Variants in CDC42SE2 observed in about 807,000 individuals in gnomAD.
The protein encoded by CDC42SE2 is CDC42 small effector protein 2.
A neutral mutation model predicts 11.5 loss-of-function variants in CDC42SE2; 3 were observed. The observed-to-expected ratio is 0.26, with a 90% CI of 0.12 to 0.67. The LOEUF is 0.67. Ranked by LOEUF, CDC42SE2 falls within the 30% of genes least tolerant of loss-of-function variation. CDC42SE2 has a pLI of 0.80. For synonymous variants in CDC42SE2, 33 were observed against 34.8 expected (o/e 0.95, Z 0.18); for missense variants, 82 against 106.8 (o/e 0.77, Z 1.02).
intron 2 of CDC42SE2, among the ~76,000 whole-genome samples, chr5:131,346,531 T>A (rs566065997): frequency 8.5e-4 from 129 of 152,262 alleles, no homozygotes; most frequent in Non-Finnish European, 1.6e-3. Flanking sequence ...CAAAGAGACT[T>A]AGATTCCCAC....
chr5:131,241,443 T>C (rs1408980125), upstream of CDC42SE2, among the ~76,000 whole-genome samples: 2 of 152,184 alleles, frequency 1.3e-5, no homozygotes, highest in African/African-American at 4.8e-5. Flanking sequence ...TTCTTTTTTC[T>C]ATTAATTATC....
At chr5:131,259,635 C>T (rs1010754641), upstream of CDC42SE2, among the ~76,000 whole-genome samples, 3 of 152,214 alleles carry the variant, frequency 2.0e-5, no homozygotes, top group Non-Finnish European at 4.4e-5. Flanking sequence ...GCAGTTAGTA[C>T]ATACATCTAG....
At chr5:131,236,921 T>C in the CDC42SE2 span, among the ~76,000 whole-genome samples, 1 of 152,210 alleles carries the variant, frequency 6.6e-6, no homozygotes, top group Non-Finnish European at 1.5e-5. Context: ...ACCCTAATTA[T>C]CTTTATAAAA....
chr5:131,225,316 A>G, the CDC42SE2 span, among the ~76,000 whole-genome samples: 11 of 152,188 alleles, frequency 7.2e-5, 1 homozygote, highest in Admixed American at 5.2e-4. Flanking sequence ...AGGCCTAAAT[A>G]TTAAGGTGAT....
chr5:131,289,268 C>G (rs1046567118), intron 1 of CDC42SE2, among the ~76,000 whole-genome samples: 1 of 152,172 alleles, frequency 6.6e-6, no homozygotes, highest in African/African-American at 2.4e-5. Context: ...TATGTTTTCT[C>G]ATCAGAAGTG....
At chr5:131,390,530 CTGAGTGTGGTGA>C (rs777629029) in intron 4 of CDC42SE2, among the ~76,000 whole-genome samples, 4 of 151,996 alleles carry the variant, frequency 2.6e-5, no homozygotes, top group Non-Finnish European at 5.9e-5. Flanking sequence ...GAAAAATTAG[CTGAGTGTGGTGA>C]TGTGTGCCTG....
the CDC42SE2 span, among the ~76,000 whole-genome samples, chr5:131,231,774 A>G: frequency 6.6e-6 from 1 of 151,884 alleles, no homozygotes; most frequent in African/African-American, 2.4e-5. Context: ...TAGAATTGTT[A>G]TACTTTTTTT....
At chr5:131,256,721 G>A (rs1756682436) in intron 2 of CDC42SE2, among the ~76,000 whole-genome samples, 9 of 152,200 alleles carry the variant, frequency 5.9e-5, no homozygotes, top group Admixed American at 5.2e-4. Flanking sequence ...GAGCCTACTT[G>A]CATTCTTTGC....
chr5:131,293,918 A>T (rs1054622179), intron 1 of CDC42SE2, among the ~76,000 whole-genome samples: 2 of 152,168 alleles, frequency 1.3e-5, no homozygotes, highest in Non-Finnish European at 1.5e-5. Context: ...TTAACTCCTT[A>T]TAAAGGCAAC....
chr5:131,281,461 C>T (rs1187099707), intron 1 of CDC42SE2, among the ~76,000 whole-genome samples: 1 of 152,078 alleles, frequency 6.6e-6, no homozygotes, highest in Non-Finnish European at 1.5e-5. Context: ...ATGCAAGTGC[C>T]TCTGTTGGAA....
At chr5:131,323,320 G>A (rs1453801530) in intron 2 of CDC42SE2, among the ~76,000 whole-genome samples, 2 of 151,574 alleles carry the variant, frequency 1.3e-5, no homozygotes, top group Admixed American at 6.6e-5. Flanking sequence ...CACTGTGCCC[G>A]ACCCCCAATC....
At chr5:131,292,684 T>A (rs1757483930) in intron 1 of CDC42SE2, among the ~76,000 whole-genome samples, 1 of 150,894 alleles carries the variant, frequency 6.6e-6, no homozygotes, top group Non-Finnish European at 1.5e-5. Flanking sequence ...AGATCTCAAG[T>A]GATAGTTCAA....
chr5:131,260,293 G>A (rs1561563047), upstream of CDC42SE2, among the ~76,000 whole-genome samples: 2 of 152,246 alleles, frequency 1.3e-5, no homozygotes, highest in East Asian at 3.9e-4. Context: ...ATGTTAGAAA[G>A]AACTGCTATA....
At chr5:131,240,978 G>C (rs1046163118), upstream of CDC42SE2, among the ~76,000 whole-genome samples, 5 of 151,588 alleles carry the variant, frequency 3.3e-5, no homozygotes. Context: ...TTTTGTTTTT[G>C]TTTTTGTTTT....
At position 131,392,254 on chromosome 5, in the gene CDC42SE2, G is replaced by A. The variant is rs191230184; in HGVS notation, c.*1163G>A. The A allele has an allele frequency of 1.3e-5, 2 of 152,624 alleles. No homozygotes were observed. Among genetic ancestry groups the A allele is most frequent in the African/African-American group, 2.4e-5 (1 of 41,436 alleles). The allele number at this position is 152,624 out of a possible 1,614,324, so 9.5% of individuals were successfully genotyped here. A position where few individuals can be genotyped will look rare whatever the true frequency, so the allele number is the denominator to read the frequency against. On this transcript the variant is annotated 3_prime_UTR_variant, in exon 5 of 5. Transcript: ENST00000505065. ...TATTTGTTAATTTGCCATCATTTAT[G>A]TATATTTTGGAAGGTATGAGACCCA...
At chr5:131,315,718 G>T (rs1292175895) in intron 1 of CDC42SE2, among the ~76,000 whole-genome samples, 1 of 152,150 alleles carries the variant, frequency 6.6e-6, no homozygotes, top group Non-Finnish European at 1.5e-5. Context: ...TCCACCAAAG[G>T]TATCTGTCTG....
At chr5:131,266,709 C>T (rs984754073) in intron 1 of CDC42SE2, among the ~76,000 whole-genome samples, 2 of 151,938 alleles carry the variant, frequency 1.3e-5, no homozygotes, top group African/African-American at 4.8e-5. Context: ...CTGCCCGCCT[C>T]GGCCTCCCAA....
At chr5:131,211,883 T>C in the CDC42SE2 span, among the ~76,000 whole-genome samples, 1 of 150,758 alleles carries the variant, frequency 6.6e-6, no homozygotes, top group African/African-American at 2.5e-5. Context: ...ACTGGGGGGC[T>C]GAGGTGGGAG....
chr5:131,235,285 T>C, the CDC42SE2 span, among the ~76,000 whole-genome samples: 74 of 140,142 alleles, frequency 5.3e-4, 1 homozygote, highest in Admixed American at 8.2e-4. Flanking sequence ...CACAGACACA[T>C]CCAGACATTT....
Sources: allele counts gnomAD v4.1 joint callset (sites outside exome capture counted in the v4.1 genomes callset), GRCh38; gene constraint gnomAD v4.1.1; transcripts MANE v1.5; gene names NCBI Gene and HGNC (gene_info 2026-07-23, HGNC 2026-07-21).